The following CIP2A variants were observed in gnomAD, a reference collection of about 807,000 sequenced individuals.
CIP2A encodes the protein protein CIP2A.
Under a neutral mutation model 110.9 loss-of-function variants are expected in CIP2A, and 103 were observed. That is an observed-to-expected ratio of 0.93 (90% CI 0.79 to 1.09). The LOEUF (loss-of-function observed/expected upper bound fraction) is 1.09, where lower values mean the gene tolerates loss of function less well. Ranked by LOEUF, CIP2A falls within the 50% of genes least tolerant of loss-of-function variation. The pLI, the probability that CIP2A is intolerant of heterozygous loss-of-function variation, is 0.00. For synonymous variants in CIP2A, 381 were observed against 361.6 expected (o/e 1.05, Z -0.61); for missense variants, 1,088 against 1,038.4 (o/e 1.05, Z -0.66).
chr3:108,552,871 T>C (rs1937627172), intron 19 of CIP2A, among the ~76,000 whole-genome samples: 2 of 152,084 alleles, frequency 1.3e-5, no homozygotes, highest in African/African-American at 2.4e-5. Context: ...GAACTAAACA[T>C]TGAGTACACA....
rs16854710 is a variant in CIP2A, at chr3:108,559,530, A to C, written c.2013+227T>G. Reference sequence around the variant, plus strand: ...TAAGTCCCAGAGTCCCCAACACTTAAAGGTACAAAATAAATAACATAGGAA... The same window carrying C: ...TAAGTCCCAGAGTCCCCAACACTTACAGGTACAAAATAAATAACATAGGAA... On this transcript the variant is annotated intron_variant, in intron 16 of 20. Transcript: ENST00000295746. Among the ~76,000 whole-genome samples the C allele has an allele frequency of 0.021, 3,246 of 152,212 alleles. 92 individuals are homozygous for C. Among genetic ancestry groups the C allele is most frequent in the African/African-American group, 0.064 (2,638 of 41,518 alleles).
chr3:108,579,841 G>A (rs1938803136), intron 5 of CIP2A, among the ~76,000 whole-genome samples, 153 bp from the exon 6 acceptor site: 4 of 152,090 alleles, frequency 2.6e-5, no homozygotes. Flanking sequence ...ATGTTCTACA[G>A]GAGAAATTTA....
At chr3:108,552,120 T>G (rs1937608767) in intron 20 of CIP2A, 114 bp downstream of exon 20, 1 of 732,116 alleles carries the variant, frequency 1.4e-6, no homozygotes, top group South Asian at 2.0e-5. Context: ...TTTGAGATCC[T>G]AATATCTTCT....
At chr3:108,563,607 T>C (rs896521616) in intron 12 of CIP2A, among the ~76,000 whole-genome samples, 1 of 151,988 alleles carries the variant, frequency 6.6e-6, no homozygotes, top group Non-Finnish European at 1.5e-5. Context: ...AAATGGCCAA[T>C]CACTTCCAAA....
At chr3:108,555,115 C>T (rs1937743517) in intron 17 of CIP2A, among the ~76,000 whole-genome samples, 1 of 152,142 alleles carries the variant, frequency 6.6e-6, no homozygotes, top group African/African-American at 2.4e-5. Flanking sequence ...GACCTTTTCC[C>T]CAGCCAGCTT....
At chr3:108,585,825 T>A (rs914181482) in intron 1 of CIP2A, 82 of 450,832 alleles carry the variant, frequency 1.8e-4, no homozygotes, top group Non-Finnish European at 3.1e-5. Flanking sequence ...CATTGAAAAA[T>A]TTTATTTCTG....
Position 108,575,883 on chromosome 3 carries a change from CAT to C in CIP2A, c.894+386_894+387del, listed in dbSNP as rs111755948. 4.4e-4 allele frequency among the ~76,000 whole-genome samples: 26 copies of C among 59,224 alleles called. 7 individuals are homozygous for C. The highest frequency in any genetic ancestry group is 1.4e-3 in the African/African-American group (24 of 17,596). The allele number at this position is 59,224 out of a possible 152,430, so 38.9% of individuals were successfully genotyped here. On this transcript the variant is annotated intron_variant, in intron 8 of 20. Coordinates refer to ENST00000295746, the MANE Select transcript of CIP2A (RefSeq NM_020890.3). Reference sequence around the variant, plus strand: ...ATATACACGTATATATACTCATATACATGTGTATGAGTATATATACATATATA... The same window carrying C: ...ATATACACGTATATATACTCATATACGTGTATGAGTATATATACATATATA...
intron 4 of CIP2A, 74 bp downstream of exon 4, chr3:108,582,034 T>C: frequency 1.5e-6 from 1 of 672,950 alleles, no homozygotes. Context: ...CTAAGAAAAA[T>C]TAATCTACCA....
Position 108,583,011 on chromosome 3 carries a change from C to T in CIP2A, c.323G>A (p.Cys108Tyr). Reference sequence around the variant, plus strand: ...CACCGAATCAGTGTGGCTGCTCCGACAAACCACTCCCGCCAGCACACTATT... The same window carrying T: ...CACCGAATCAGTGTGGCTGCTCCGATAAACCACTCCCGCCAGCACACTATT... ...NLNSVLAGVV[C>Y]RSSHTDSVFL... The change falls in exon 3 of 21, where the codon TGT (cysteine) becomes TAT (tyrosine). Residue 108 changes from cysteine (C) to tyrosine (Y), a missense_variant. Cys to Tyr is a radical substitution (Grantham distance 194, BLOSUM62 -2). Coordinates refer to ENST00000295746, the MANE Select transcript of CIP2A (RefSeq NM_020890.3). 6.2e-7 allele frequency: 1 copy of T among 1,611,026 alleles called. No individual in the cohort carries two copies. Among genetic ancestry groups the T allele is most frequent in the Non-Finnish European group, 8.5e-7 (1 of 1,178,606 alleles).
At chr3:108,559,014 G>A (rs776519535) in intron 16 of CIP2A, among the ~76,000 whole-genome samples, 58 of 152,182 alleles carry the variant, frequency 3.8e-4, no homozygotes, top group South Asian at 1.5e-3. Context: ...TTGGGGGAGC[G>A]GCTAGGTGAA....
intron 5 of CIP2A, among the ~76,000 whole-genome samples, chr3:108,580,662 C>A (rs1344167862): frequency 6.6e-6 from 1 of 151,532 alleles, no homozygotes; most frequent in East Asian, 1.9e-4. Context: ...TGGAGTCTTA[C>A]TCTGTTGCCA....
chr3:108,568,404 A>C, intron 9 of CIP2A, 90 bp from the exon 10 acceptor site: 1 of 1,017,084 alleles, frequency 9.8e-7, no homozygotes, highest in South Asian at 1.7e-5. Flanking sequence ...ACTCTCTTTA[A>C]ATTTTTTATA....
intron 10 of CIP2A, among the ~76,000 whole-genome samples, chr3:108,567,407 G>A (rs1938224786): frequency 6.6e-6 from 1 of 151,756 alleles, no homozygotes; most frequent in African/African-American, 2.4e-5. Context: ...TTGTTGCTCT[G>A]AGATACAAGG....
Position 108,575,307 on chromosome 3 carries a change from C to A in CIP2A, c.894+964G>T, listed in dbSNP as rs1472729565. Among the ~76,000 whole-genome samples the A allele has an allele frequency of 2.0e-5, 3 of 146,390 alleles. No individual in the cohort carries two copies. The East Asian group carries it at 5.9e-4, about 29-fold the overall frequency. The stretch of plus-strand genomic sequence containing the variant: ...GTGTACGTACACACACGTGTACGTA[C>A]ACACACGTGCATGTACACACACGTG... On this transcript the variant is annotated intron_variant, in intron 8 of 20. Coordinates refer to ENST00000295746, the MANE Select transcript of CIP2A (RefSeq NM_020890.3).
At chr3:108,566,307 T>C (rs1938179290) in intron 11 of CIP2A, among the ~76,000 whole-genome samples, 190 bp downstream of exon 11, 1 of 151,784 alleles carries the variant, frequency 6.6e-6, no homozygotes, top group Non-Finnish European at 1.5e-5. Context: ...CAAATGTTAA[T>C]ACCTTTCTTC....
At chr3:108,554,593 A>G in intron 17 of CIP2A, 104 bp from the exon 18 acceptor site, 1 of 581,854 alleles carries the variant, frequency 1.7e-6, no homozygotes, top group Admixed American at 3.4e-5. Flanking sequence ...ACCAAATTGC[A>G]TATGCTGGAA....
chr3:108,557,630 C>T (rs1300738110), intron 16 of CIP2A, among the ~76,000 whole-genome samples: 2 of 152,008 alleles, frequency 1.3e-5, no homozygotes, highest in African/African-American at 4.8e-5. Flanking sequence ...AAAACAATCT[C>T]ACTATGATCA....
chr3:108,558,565 G>C (rs560391899), intron 16 of CIP2A, among the ~76,000 whole-genome samples: 1 of 152,228 alleles, frequency 6.6e-6, no homozygotes, highest in Non-Finnish European at 1.5e-5. Context: ...TTGATACCAT[G>C]AGTGAGGGAA....
rs1396943242 is a variant in CIP2A, at chr3:108,581,517, G to A, written c.453-6C>T. 4.5e-6 allele frequency: 7 copies of A among 1,550,060 alleles called. No homozygotes were observed. Among genetic ancestry groups the A allele is most frequent in the Non-Finnish European group, 6.2e-6 (7 of 1,124,652 alleles). On this transcript the variant is annotated splice_polypyrimidine_tract_variant and splice_region_variant and intron_variant, in intron 4 of 20. Coordinates refer to ENST00000295746, the MANE Select transcript of CIP2A (RefSeq NM_020890.3). ...ACTCATCTTCAGAAGATTGACTGTT[G>A]TTTTACATTGGTGTTTTGTTTAAAG...
Sources: allele counts gnomAD v4.1 joint callset (sites outside exome capture counted in the v4.1 genomes callset), GRCh38; gene constraint gnomAD v4.1.1; transcripts MANE v1.5; gene names NCBI Gene and HGNC (gene_info 2026-07-23, HGNC 2026-07-21).